SOX6: variants seen among roughly 807,000 people sequenced by gnomAD.
SOX6 encodes the protein SRY-box transcription factor 6.
In SOX6, 11 loss-of-function variants were observed where a neutral mutation model predicts 97.8. That is an observed-to-expected ratio of 0.11 (90% confidence interval 0.07 to 0.19). The LOEUF is 0.19. Among genes scored for constraint, SOX6 ranks in the 10% least tolerant of loss-of-function variants. The pLI, the probability that SOX6 is intolerant of heterozygous loss-of-function variation, is 1.00. For missense variants in SOX6, 810 were observed against 1,039.5 expected (o/e 0.78, Z 3.04); for synonymous variants, 360 against 371.4 (o/e 0.97, Z 0.35).
At chr11:16,375,009 C>T (rs1857606388) in intron 1 of SOX6, among the ~76,000 whole-genome samples, 1 of 152,006 alleles carries the variant, frequency 6.6e-6, no homozygotes, top group Non-Finnish European at 1.5e-5. Flanking sequence ...TGATGCAACA[C>T]TATGCCTATT....
chr11:16,600,822 C>G, intron 4 of SOX6, among the ~76,000 whole-genome samples: 1 of 152,132 alleles, frequency 6.6e-6, no homozygotes, highest in South Asian at 2.1e-4. Context: ...TCTGACACAA[C>G]GCTCACCAAA....
intron 4 of SOX6, among the ~76,000 whole-genome samples, chr11:16,520,673 G>C (rs1861044820): frequency 2.0e-5 from 3 of 152,260 alleles, no homozygotes; most frequent in Admixed American, 2.0e-4. Flanking sequence ...AGCAGGGCGA[G>C]GCATGGCCTC....
chr11:16,303,371 T>C (rs1855324192), intron 3 of SOX6, among the ~76,000 whole-genome samples: 1 of 152,194 alleles, frequency 6.6e-6, no homozygotes, highest in Non-Finnish European at 1.5e-5. Context: ...TGAGGCAAGA[T>C]CAATAAATGT....
chr11:16,656,358 G>A (rs554669764), intron 3 of SOX6, among the ~76,000 whole-genome samples: 1 of 152,286 alleles, frequency 6.6e-6, no homozygotes, highest in South Asian at 2.1e-4. Context: ...TTACAGGCAT[G>A]AGCCACCGTG....
At chr11:16,446,238 A>G (rs1268740832) in intron 1 of SOX6, among the ~76,000 whole-genome samples, 2 of 152,022 alleles carry the variant, frequency 1.3e-5, no homozygotes, top group Non-Finnish European at 2.9e-5. Flanking sequence ...GATGGAGGAG[A>G]GAAGAAAAAG....
At chr11:16,062,675 G>T (rs891792205) in intron 9 of SOX6, among the ~76,000 whole-genome samples, 2 of 151,552 alleles carry the variant, frequency 1.3e-5, no homozygotes, top group African/African-American at 2.4e-5. Flanking sequence ...GTGTATATGT[G>T]TAAAAATAAG....
At chr11:16,628,250 T>A (rs1201506504) in intron 3 of SOX6, among the ~76,000 whole-genome samples, 1 of 152,216 alleles carries the variant, frequency 6.6e-6, no homozygotes, top group Non-Finnish European at 1.5e-5. Flanking sequence ...TTTGTTCTTT[T>A]TTCTTAAGAT....
intron 4 of SOX6, among the ~76,000 whole-genome samples, chr11:16,211,673 A>G (rs1448744865): frequency 6.6e-6 from 1 of 152,106 alleles, no homozygotes; most frequent in Non-Finnish European, 1.5e-5. Flanking sequence ...TGGCAAGAAA[A>G]GAGCTAAGAC....
chr11:16,334,696 G>A (rs1856406383), intron 2 of SOX6, among the ~76,000 whole-genome samples: 1 of 152,026 alleles, frequency 6.6e-6, no homozygotes, highest in Non-Finnish European at 1.5e-5. Context: ...CCAAAGTGCT[G>A]GGATTACAGG....
intron 2 of SOX6, among the ~76,000 whole-genome samples, chr11:16,731,926 A>G (rs941786667): frequency 1.3e-5 from 2 of 152,226 alleles, no homozygotes; most frequent in Admixed American, 1.3e-4. Context: ...TACAAAAATC[A>G]CAAGCATTCC....
At chr11:16,505,282 T>A (rs1378993188) in intron 4 of SOX6, among the ~76,000 whole-genome samples, 1 of 152,216 alleles carries the variant, frequency 6.6e-6, no homozygotes. Flanking sequence ...AAGGTCACTC[T>A]TGCTATGCTT....
At chr11:16,702,344 C>G (rs1455977877) in intron 3 of SOX6, among the ~76,000 whole-genome samples, 1 of 152,090 alleles carries the variant, frequency 6.6e-6, no homozygotes, top group Admixed American at 6.6e-5. Context: ...CTTATATCAA[C>G]CTATAGAAAT....
intron 9 of SOX6, among the ~76,000 whole-genome samples, chr11:16,085,810 C>G (rs1461631805): frequency 6.6e-6 from 1 of 152,176 alleles, no homozygotes; most frequent in Admixed American, 6.5e-5. Context: ...CTGTTCATCA[C>G]AAAACACATT....
In SOX6 at chr11:15,967,180, C is replaced by T. The variant is rs1176041110; in HGVS notation, c.*5629G>A. 1 of 152,088 alleles carries T rather than the reference C, an allele frequency of 6.6e-6. No homozygotes were observed. The highest frequency in any genetic ancestry group is 1.5e-5 in the Non-Finnish European group (1 of 68,026). 9.4% of individuals were successfully genotyped at this position (152,088 alleles called of 1,614,324 possible). A position where few individuals can be genotyped will look rare whatever the true frequency, so the allele number is the denominator to read the frequency against. On this transcript the variant is annotated 3_prime_UTR_variant, in exon 16 of 16. Coordinates refer to ENST00000683767, the MANE Select transcript of SOX6 (RefSeq NM_001367873.1). Reference sequence around the variant, plus strand: ...CAGCCATGGGCCAAGTAGGTACCTGCATTATACATAGAATTTCTACAAAGA... The same window carrying T: ...CAGCCATGGGCCAAGTAGGTACCTGTATTATACATAGAATTTCTACAAAGA...
chr11:16,089,402 T>A, intron 9 of SOX6, among the ~76,000 whole-genome samples: 1 of 152,122 alleles, frequency 6.6e-6, no homozygotes, highest in East Asian at 1.9e-4. Flanking sequence ...TTTTTTAAAA[T>A]CCACATACTA....
At chr11:16,523,339 C>T (rs1400083696) in intron 4 of SOX6, among the ~76,000 whole-genome samples, 2 of 151,982 alleles carry the variant, frequency 1.3e-5, no homozygotes, top group Non-Finnish European at 2.9e-5. Flanking sequence ...CACTCAAAAC[C>T]GCTCAACTAC....
At chr11:16,169,827 T>C (rs1180740481) in intron 6 of SOX6, among the ~76,000 whole-genome samples, 1 of 151,930 alleles carries the variant, frequency 6.6e-6, no homozygotes, top group African/African-American at 2.4e-5. Context: ...CACCATGAGG[T>C]GCTGATGGGG....
intron 6 of SOX6, among the ~76,000 whole-genome samples, chr11:16,132,505 A>AAAGAAAGG (rs1451899878): frequency 3.5e-5 from 3 of 86,152 alleles, no homozygotes; most frequent in African/African-American, 8.3e-5. Flanking sequence ...AGAAAGAAAG[A>AAAGAAAGG]AAGCTTATCT....
chr11:16,665,094 G>T (rs1354125637), intron 3 of SOX6, among the ~76,000 whole-genome samples: 2 of 151,880 alleles, frequency 1.3e-5, no homozygotes, highest in African/African-American at 2.4e-5. Flanking sequence ...TGGGAGACTT[G>T]CTGGCTTCAA....
Sources: gnomAD v4.1 joint callset for allele counts (sites outside exome capture counted in the v4.1 genomes callset) on GRCh38, gnomAD v4.1.1 for gene constraint, MANE v1.5 for transcripts, NCBI Gene and HGNC (gene_info 2026-07-23, HGNC 2026-07-21) for gene names.